MAP3K5: variants seen among roughly 807,000 people sequenced by gnomAD.
MAP3K5 encodes the protein ASK-1.
MAP3K5 carries 56 observed loss-of-function variants against 158.7 expected under a neutral mutation model. The observed-to-expected ratio is 0.35, with a 90% CI of 0.28 to 0.44. MAP3K5 has a LOEUF of 0.44. Among genes scored for constraint, MAP3K5 ranks in the 20% least tolerant of loss-of-function variants. The pLI is 1.00. For missense variants in MAP3K5, 1,294 were observed against 1,674.8 expected (o/e 0.77, Z 3.97); for synonymous variants, 579 against 601.7 (o/e 0.96, Z 0.55).
intron 1 of MAP3K5, among the ~76,000 whole-genome samples, chr6:136,754,333 T>C (rs1369062302): frequency 1.3e-5 from 2 of 151,496 alleles, no homozygotes; most frequent in East Asian, 3.9e-4. Context: ...AATCCAGCAC[T>C]TTGGGAAGCT....
At chr6:136,692,294 A>G (rs1313530773) in intron 7 of MAP3K5, among the ~76,000 whole-genome samples, 2 of 152,126 alleles carry the variant, frequency 1.3e-5, no homozygotes, top group Non-Finnish European at 2.9e-5. Flanking sequence ...AAGAGTATGT[A>G]GTTTTTTAAT....
chr6:136,742,324 C>T lies in MAP3K5; in HGVS notation c.449-21735G>A, dbSNP rs117590738. 2.1e-3 allele frequency among the ~76,000 whole-genome samples: 323 copies of T among 151,998 alleles called. 6 individuals are homozygous for T. The South Asian group carries it at 0.032, about 15-fold the overall frequency. The stretch of plus-strand genomic sequence containing the variant: ...CAGAATAGAAGCCCCAGAAATAGAT[C>T]CACATAAACACAGTCAACTGATGTT... On this transcript the variant is annotated intron_variant, in intron 1 of 29. Coordinates refer to ENST00000359015, the MANE Select transcript of MAP3K5 (RefSeq NM_005923.4).
At chr6:136,653,678 T>C (rs893110780) in intron 10 of MAP3K5, among the ~76,000 whole-genome samples, 22 of 152,262 alleles carry the variant, frequency 1.4e-4, no homozygotes, top group Non-Finnish European at 2.9e-4. Context: ...ATGGCTTTCA[T>C]TATTTTTTAA....
intron 1 of MAP3K5, among the ~76,000 whole-genome samples, chr6:136,787,069 G>C (rs1784882123): frequency 6.6e-6 from 1 of 152,038 alleles, no homozygotes; most frequent in African/African-American, 2.4e-5. Flanking sequence ...CCACCTTTAA[G>C]AAGCTACCCC....
chr6:136,756,152 A>T (rs1783469273), intron 1 of MAP3K5, among the ~76,000 whole-genome samples: 1 of 151,648 alleles, frequency 6.6e-6, no homozygotes, highest in Non-Finnish European at 1.5e-5. Context: ...ACAGAAAAAA[A>T]AAAAACACTA....
chr6:136,687,297 G>T (rs1416460486), intron 7 of MAP3K5, among the ~76,000 whole-genome samples: 1 of 152,118 alleles, frequency 6.6e-6, no homozygotes, highest in South Asian at 2.1e-4. Flanking sequence ...AGACTTAAAT[G>T]TAAGACCTAA....
intron 10 of MAP3K5, among the ~76,000 whole-genome samples, chr6:136,655,173 T>C (rs1028856485): frequency 1.3e-5 from 2 of 152,242 alleles, no homozygotes; most frequent in Non-Finnish European, 2.9e-5. Flanking sequence ...AATGGTTTCC[T>C]TTCATAGCCA....
At chr6:136,574,968 C>T (rs927942056) in intron 25 of MAP3K5, among the ~76,000 whole-genome samples, 4 of 151,762 alleles carry the variant, frequency 2.6e-5, no homozygotes, top group African/African-American at 9.7e-5. Context: ...GGATTATAGG[C>T]GTGAGCCACC....
intron 1 of MAP3K5, among the ~76,000 whole-genome samples, chr6:136,725,714 A>G (rs1781938506): frequency 6.6e-6 from 1 of 152,192 alleles, no homozygotes; most frequent in African/African-American, 2.4e-5. Flanking sequence ...CCAGTTCATC[A>G]ACTTTTTATT....
chr6:136,624,843 T>C (rs1018420234), intron 14 of MAP3K5, among the ~76,000 whole-genome samples: 8 of 152,110 alleles, frequency 5.3e-5, no homozygotes, highest in African/African-American at 1.9e-4. Flanking sequence ...AATGGTCAAG[T>C]CAAGGAAACA....
Position 136,592,417 on chromosome 6 carries a change from CAAGT to C in MAP3K5, c.3056+16_3056+19del, listed in dbSNP as rs1293896365. ...ACTTAACAACACACTTCTCTCACCC[CAAGT>C]AAGTCAGGTCTTTACCCCAAAAAGA... On this transcript the variant is annotated intron_variant, in intron 22 of 29. Coordinates refer to ENST00000359015, the MANE Select transcript of MAP3K5 (RefSeq NM_005923.4). 2.4e-5 allele frequency: 38 copies of C among 1,612,118 alleles called. No individual in the cohort carries two copies. Among genetic ancestry groups the C allele is most frequent in the Non-Finnish European group, 3.1e-5 (37 of 1,178,988 alleles).
intron 13 of MAP3K5, 121 bp from the exon 14 acceptor site, chr6:136,637,527 A>G (rs1289672062): frequency 4.5e-6 from 3 of 662,930 alleles, no homozygotes; most frequent in African/African-American, 1.8e-5. Flanking sequence ...GAACCAGGCA[A>G]TAACACACTA....
chr6:136,564,883 T>G (rs1476409252), intron 26 of MAP3K5, among the ~76,000 whole-genome samples: 1 of 152,200 alleles, frequency 6.6e-6, no homozygotes, highest in Non-Finnish European at 1.5e-5. Context: ...CACTGCTGAG[T>G]GTTCAAATAA....
intron 7 of MAP3K5, among the ~76,000 whole-genome samples, chr6:136,693,718 G>A (rs559366587): frequency 5.9e-5 from 9 of 152,114 alleles, no homozygotes; most frequent in Admixed American, 3.3e-4. Context: ...AGATTGGCCC[G>A]GTGGCTCACG....
At chr6:136,702,168 TC>T (rs1216306321) in intron 3 of MAP3K5, among the ~76,000 whole-genome samples, 1 of 152,138 alleles carries the variant, frequency 6.6e-6, no homozygotes, top group Non-Finnish European at 1.5e-5. Context: ...TTCCTATGTT[TC>T]TAAGGCAATC....
At chr6:136,694,921 C>T (rs935538240) in intron 6 of MAP3K5, among the ~76,000 whole-genome samples, 7 of 152,066 alleles carry the variant, frequency 4.6e-5, no homozygotes, top group Non-Finnish European at 8.8e-5. Context: ...AAATATTATG[C>T]TAAGTGAAAG....
intron 1 of MAP3K5, among the ~76,000 whole-genome samples, chr6:136,760,796 CCT>C (rs1393171620): frequency 8.5e-5 from 13 of 152,234 alleles, no homozygotes; most frequent in African/African-American, 3.1e-4. Context: ...GTGTCGAAAC[CCT>C]GTCTCTACTG....
At chr6:136,590,932 T>C (rs1775356924) in intron 23 of MAP3K5, among the ~76,000 whole-genome samples, 1 of 152,162 alleles carries the variant, frequency 6.6e-6, no homozygotes, top group South Asian at 2.1e-4. Flanking sequence ...TCATCTTGAA[T>C]TGTAGCTCCC....
At chr6:136,605,124 TA>T in intron 19 of MAP3K5, 84 bp downstream of exon 19, 3 of 1,388,944 alleles carry the variant, frequency 2.2e-6, no homozygotes, top group Admixed American at 2.1e-5. Context: ...ACCCTTTATC[TA>T]AAAAAATATG....
Sources: gnomAD v4.1 joint callset for allele counts (sites outside exome capture counted in the v4.1 genomes callset) on GRCh38, gnomAD v4.1.1 for gene constraint, MANE v1.5 for transcripts, NCBI Gene and HGNC (gene_info 2026-07-23, HGNC 2026-07-21) for gene names.